The following SERAC1 variants were observed in gnomAD, a reference collection of about 807,000 sequenced individuals.
SERAC1 encodes protein SERAC1.
Under a neutral mutation model 85.7 loss-of-function variants are expected in SERAC1, and 36 were observed. That is an observed-to-expected ratio of 0.42 (90% CI 0.32 to 0.55). The LOEUF is 0.55. Among genes scored for constraint, SERAC1 ranks in the 20% least tolerant of loss-of-function variants. The pLI, the probability that SERAC1 is intolerant of heterozygous loss-of-function variation, is 0.11. For missense variants in SERAC1, 629 were observed against 796.2 expected (o/e 0.79, Z 2.53); for synonymous variants, 242 against 265.3 (o/e 0.91, Z 0.85).
intron 8 of SERAC1, among the ~76,000 whole-genome samples, chr6:158,133,033 G>A (rs1258909411): frequency 2.6e-5 from 4 of 152,134 alleles, no homozygotes; most frequent in East Asian, 1.9e-4. Context: ...CAGGCCGAGC[G>A]TGGTAGCTCA....
rs921464474 is a variant in SERAC1 at position 158,110,658 on chromosome 6, G to C, written c.*708C>G. Reference sequence around the variant, plus strand: ...TTAGAATAGTTTTACTTCATACTGTGATCAATAATGGATTAGCTACTTTAT... The same window carrying C: ...TTAGAATAGTTTTACTTCATACTGTCATCAATAATGGATTAGCTACTTTAT... On this transcript the variant is annotated 3_prime_UTR_variant, in exon 17 of 17. Transcript: ENST00000647468. The C allele has an allele frequency of 5.9e-5, 9 of 152,144 alleles. No individual in the cohort carries two copies. Among genetic ancestry groups the C allele is most frequent in the African/African-American group, 2.2e-4 (9 of 41,420 alleles). 9.4% of individuals were successfully genotyped at this position (152,144 alleles called of 1,614,324 possible).
At chr6:158,115,690 C>T (rs1343769047) in intron 14 of SERAC1, among the ~76,000 whole-genome samples, 2 of 152,122 alleles carry the variant, frequency 1.3e-5, no homozygotes, top group African/African-American at 2.4e-5. Flanking sequence ...CATAAGCAAC[C>T]ACTAGGACCC....
chr6:158,148,268 C>A (rs1785119284), intron 5 of SERAC1, among the ~76,000 whole-genome samples: 1 of 152,086 alleles, frequency 6.6e-6, no homozygotes, highest in South Asian at 2.1e-4. Context: ...ATATACTATG[C>A]TCATTATGAA....
Position 158,109,648 on chromosome 6 carries a change from C to T in SERAC1, c.*1718G>A, listed in dbSNP as rs1433166814. ...AAACATAGACTTACCATTTGACCAG[C>T]AATTCCACCCAAGAGAATCAAAAAC... On this transcript the variant is annotated 3_prime_UTR_variant, in exon 17 of 17. Transcript: ENST00000647468. The T allele has an allele frequency of 6.6e-6, 1 of 152,130 alleles. No individual in the cohort carries two copies. Among genetic ancestry groups the T allele is most frequent in the Non-Finnish European group, 1.5e-5 (1 of 68,036 alleles). 9.4% of individuals were successfully genotyped at this position (152,130 alleles called of 1,614,324 possible).
At chr6:158,127,142 C>T (rs910400879) in intron 10 of SERAC1, among the ~76,000 whole-genome samples, 5 of 152,124 alleles carry the variant, frequency 3.3e-5, no homozygotes, top group African/African-American at 1.2e-4. Context: ...ATCTTAGGCG[C>T]AGATTATCTA....
rs151081217 is a variant in SERAC1, at chr6:158,165,391, G to A, written c.-2+2749C>T. 9.8e-3 allele frequency among the ~76,000 whole-genome samples: 1,493 copies of A among 152,146 alleles called. 26 individuals are homozygous for A. The highest frequency in any genetic ancestry group is 0.033 in the African/African-American group (1,390 of 41,524). On this transcript the variant is annotated intron_variant, in intron 1 of 16. Coordinates refer to ENST00000647468, the MANE Select transcript of SERAC1 (RefSeq NM_032861.4). ...AGGATGGTCTCAATCTCCTGACCTC[G>A]TGATCCACCCGCCTCGGCCTACCAA...
chr6:158,153,851 C>A (rs999087921), intron 3 of SERAC1, among the ~76,000 whole-genome samples: 3 of 152,100 alleles, frequency 2.0e-5, no homozygotes, highest in Non-Finnish European at 4.4e-5. Flanking sequence ...CTGCCCTCGG[C>A]CAAGGGCAGT....
intron 3 of SERAC1, among the ~76,000 whole-genome samples, chr6:158,152,590 T>C (rs1785233151): frequency 6.6e-6 from 1 of 152,140 alleles, no homozygotes; most frequent in South Asian, 2.1e-4. Flanking sequence ...AGTAATGTCC[T>C]AGGCCCTCAC....
At chr6:158,166,841 T>C (rs12207009) in intron 1 of SERAC1, among the ~76,000 whole-genome samples, 41,794 of 151,918 alleles carry the variant, frequency 0.28, 6,207 homozygotes, top group Admixed American at 0.44. Context: ...ATTTCTGACA[T>C]CCCCCTGGCC....
At chr6:158,113,347 T>C in intron 16 of SERAC1, 102 bp downstream of exon 16, 1 of 898,506 alleles carries the variant, frequency 1.1e-6, no homozygotes, top group South Asian at 1.7e-5. Context: ...TCATAAACTA[T>C]CTCTTAAAAC....
chr6:158,121,358 T>A (rs1391436168), intron 10 of SERAC1, among the ~76,000 whole-genome samples: 1 of 152,108 alleles, frequency 6.6e-6, no homozygotes, highest in Non-Finnish European at 1.5e-5. Flanking sequence ...ATTTATATAA[T>A]TTATTTAATT....
rs781409095 is a variant in SERAC1, at chr6:158,148,830, T to C, written c.355+35A>G. 6 of 1,407,932 alleles carry C rather than the reference T, an allele frequency of 4.3e-6. No individual in the cohort carries two copies. In the South Asian group the frequency reaches 7.4e-5, roughly 17 times the overall value. 87.2% of individuals were successfully genotyped at this position (1,407,932 alleles called of 1,614,324 possible). ...ATCATTCCAATGACTTTCAGATTAC[T>C]GATAAGGATTCCAAGTCATATAGTG... On this transcript the variant is annotated intron_variant, in intron 5 of 16. Coordinates refer to ENST00000647468, the MANE Select transcript of SERAC1 (RefSeq NM_032861.4).
At chr6:158,143,857 T>C (rs1006423036) in intron 7 of SERAC1, among the ~76,000 whole-genome samples, 2 of 152,172 alleles carry the variant, frequency 1.3e-5, no homozygotes, top group Admixed American at 1.3e-4. Flanking sequence ...GGGTCATTTT[T>C]GGTTGTTACA....
At chr6:158,148,828 A>T in intron 5 of SERAC1, 37 bp downstream of exon 5, 1 of 1,379,456 alleles carries the variant, frequency 7.2e-7, no homozygotes, top group Non-Finnish European at 1.0e-6. Flanking sequence ...CTTTCAGATT[A>T]CTGATAAGGA....
intron 8 of SERAC1, among the ~76,000 whole-genome samples, chr6:158,137,081 G>A (rs904448437): frequency 3.3e-5 from 5 of 151,498 alleles, no homozygotes; most frequent in Non-Finnish European, 5.9e-5. Context: ...TCGCTTGAAT[G>A]CGGGAGATGG....
chr6:158,142,175 T>G (rs909959144), intron 8 of SERAC1, among the ~76,000 whole-genome samples: 13 of 152,118 alleles, frequency 8.5e-5, no homozygotes, highest in Non-Finnish European at 1.6e-4. Flanking sequence ...TTCTTTTTTT[T>G]TTTGAGACAG....
At chr6:158,135,630 T>A (rs905450113) in intron 8 of SERAC1, among the ~76,000 whole-genome samples, 2 of 152,158 alleles carry the variant, frequency 1.3e-5, no homozygotes, top group Non-Finnish European at 2.9e-5. Flanking sequence ...ATTTTCTGAA[T>A]CGATAACTGT....
At chr6:158,147,969 G>A (rs7753172) in intron 5 of SERAC1, among the ~76,000 whole-genome samples, 5,104 of 151,898 alleles carry the variant, frequency 0.034, 294 homozygotes, top group African/African-American at 0.12. Context: ...GAACAATCCT[G>A]CATTCTCTTA....
intron 8 of SERAC1, among the ~76,000 whole-genome samples, chr6:158,136,857 G>A (rs933184218): frequency 6.6e-6 from 1 of 152,164 alleles, no homozygotes; most frequent in Non-Finnish European, 1.5e-5. Context: ...AGAGTAGGGG[G>A]AATAAGAATA....
Sources: gnomAD v4.1 joint callset for allele counts (sites outside exome capture counted in the v4.1 genomes callset) on GRCh38, gnomAD v4.1.1 for gene constraint, MANE v1.5 for transcripts, NCBI Gene and HGNC (gene_info 2026-07-23, HGNC 2026-07-21) for gene names.